The following WIF1 variants were observed in gnomAD, a reference collection of about 807,000 sequenced individuals.
WIF1 encodes the protein Wnt inhibitory factor 1.
Under a neutral mutation model 53.5 loss-of-function variants are expected in WIF1, and 35 were observed. The ratio of observed to expected loss-of-function variants is 0.65; its 90% CI spans 0.50 to 0.87. The LOEUF (loss-of-function observed/expected upper bound fraction) is 0.87, where lower values mean the gene tolerates loss of function less well. Ranked by LOEUF, WIF1 falls within the 40% of genes least tolerant of loss-of-function variation. WIF1 has a pLI of 0.00. For synonymous variants in WIF1, 171 were observed against 170.4 expected (o/e 1.00, Z -0.03); for missense variants, 467 against 476.8 (o/e 0.98, Z 0.19).
chr12:65,058,525 T>C (rs1222837062), intron 7 of WIF1, among the ~76,000 whole-genome samples: 1 of 152,188 alleles, frequency 6.6e-6, no homozygotes, highest in Non-Finnish European at 1.5e-5. Flanking sequence ...TCCTGGCTAT[T>C]ATACAACAGA....
At chr12:65,092,273 C>T (rs529600091) in intron 2 of WIF1, among the ~76,000 whole-genome samples, 18 of 146,188 alleles carry the variant, frequency 1.2e-4, no homozygotes, top group East Asian at 4.1e-4. Flanking sequence ...CATCACACAC[C>T]GGGGCTTGTC....
intron 6 of WIF1, among the ~76,000 whole-genome samples, chr12:65,065,212 G>A (rs1184507306): frequency 6.6e-6 from 1 of 152,076 alleles, no homozygotes; most frequent in African/African-American, 2.4e-5. Flanking sequence ...TAGCTCAGGG[G>A]TGAGGGACAG....
In WIF1 at chr12:65,120,500, CAT is replaced by C. The variant is rs1883584812; in HGVS notation, c.203_204del (p.His68ArgfsTer34). The C allele has an allele frequency of 3.1e-6, 5 of 1,613,996 alleles. No homozygotes were observed. The highest frequency in any genetic ancestry group is 4.2e-6 in the Non-Finnish European group (5 of 1,180,022). On this transcript the variant is annotated frameshift_variant, in exon 2 of 10. Transcript: ENST00000286574. LOFTEE classifies it high-confidence loss of function. Reference protein sequence around the residue: ...VSEGKMAPFTHDFRKAQQRMP... With the variant: ...VSEGKMAPFTXDFRKAQQRMP... ...ATTCTCTGTTGTGCTTTTCTGAAAT[CAT>C]GTGTAAAAGGTGCCATTTTCCCCTC... is the stretch of plus-strand genomic sequence containing the variant.
chr12:65,097,321 G>A (rs190563626), intron 2 of WIF1, among the ~76,000 whole-genome samples: 2 of 152,214 alleles, frequency 1.3e-5, no homozygotes, highest in African/African-American at 4.8e-5. Context: ...CAAAAGAGAG[G>A]ACAAGAAACA....
chr12:65,119,836 G>C (rs1460932828), intron 2 of WIF1, among the ~76,000 whole-genome samples: 1 of 152,134 alleles, frequency 6.6e-6, no homozygotes, highest in African/African-American at 2.4e-5. Flanking sequence ...ATAGATTCCA[G>C]TTTTCTTTTC....
intron 2 of WIF1, among the ~76,000 whole-genome samples, chr12:65,106,202 G>C (rs574917755): frequency 1.5e-4 from 23 of 152,186 alleles, no homozygotes; most frequent in African/African-American, 5.1e-4. Flanking sequence ...GAGGGGACAG[G>C]TTGGCACTTC....
chr12:65,120,401 T>G lies in WIF1; in HGVS notation c.288+16A>C. On this transcript the variant is annotated intron_variant, in intron 2 of 9. Coordinates refer to ENST00000286574, the MANE Select transcript of WIF1 (RefSeq NM_007191.5). ...AGGCAGTGGAAATATTAAAGGGTAATTTTCTCAGAACTTACCTGCCCTGCA... is the reference window on the plus strand; with the variant it reads ...AGGCAGTGGAAATATTAAAGGGTAAGTTTCTCAGAACTTACCTGCCCTGCA... 6.2e-7 allele frequency: 1 copy of G among 1,611,016 alleles called. No homozygotes were observed. Among genetic ancestry groups the G allele is most frequent in the South Asian group, 1.1e-5 (1 of 90,408 alleles).
chr12:65,115,246 C>CT (rs1290963397), intron 2 of WIF1, among the ~76,000 whole-genome samples: 1 of 150,316 alleles, frequency 6.7e-6, no homozygotes, highest in Non-Finnish European at 1.5e-5. Context: ...TTCCTAGTAC[C>CT]TTAGCATATT....
intron 2 of WIF1, among the ~76,000 whole-genome samples, chr12:65,091,432 CAGA>C (rs1286419695): frequency 3.3e-5 from 5 of 150,636 alleles, no homozygotes; most frequent in African/African-American, 1.2e-4. Flanking sequence ...GGCAAAACAA[CAGA>C]AGAAGTCTTA....
chr12:65,061,494 C>T (rs925592979), intron 7 of WIF1, among the ~76,000 whole-genome samples: 1 of 152,110 alleles, frequency 6.6e-6, no homozygotes, highest in African/African-American at 2.4e-5. Context: ...TGCTTTGGTG[C>T]TATCTGTTCT....
chr12:65,097,438 A>G (rs2136633634), intron 2 of WIF1, among the ~76,000 whole-genome samples: 1 of 152,276 alleles, frequency 6.6e-6, no homozygotes, highest in East Asian at 1.9e-4. Context: ...TGGCTAAACA[A>G]TAGATTTAAG....
chr12:65,059,279 T>G (rs1355580617), intron 7 of WIF1, among the ~76,000 whole-genome samples: 6 of 152,202 alleles, frequency 3.9e-5, no homozygotes, highest in Non-Finnish European at 7.4e-5. Context: ...AGAAAACAGA[T>G]AAAAGGGTTT....
Position 65,121,187 on chromosome 12 carries a change from GC to G in WIF1, c.4del (p.Ala2ProfsTer48). On this transcript the variant is annotated frameshift_variant, in exon 1 of 10. Coordinates refer to ENST00000286574, the MANE Select transcript of WIF1 (RefSeq NM_007191.5). LOFTEE classifies it high-confidence loss of function. Reference protein sequence around the residue: MARRSAFPAAAL... With the variant: MXRRSAFPAAAL... ...GGCGGCAGGGAAGGCGCTCCTCCGGGCCATGCTGCTCAGGACCTCCTCGCTG... is the reference window on the plus strand; with the variant it reads ...GGCGGCAGGGAAGGCGCTCCTCCGGGCATGCTGCTCAGGACCTCCTCGCTG... The G allele has an allele frequency of 6.5e-7, 1 of 1,533,614 alleles. No homozygotes were observed. The highest frequency in any genetic ancestry group is 8.8e-7 in the Non-Finnish European group (1 of 1,138,466).
At chr12:65,115,028 T>G (rs1262855859) in intron 2 of WIF1, among the ~76,000 whole-genome samples, 1 of 152,114 alleles carries the variant, frequency 6.6e-6, no homozygotes, top group African/African-American at 2.4e-5. Context: ...TTAATATTGG[T>G]TGATTATCAT....
At chr12:65,074,009 A>C (rs931144705) in intron 3 of WIF1, among the ~76,000 whole-genome samples, 4 of 152,150 alleles carry the variant, frequency 2.6e-5, no homozygotes, top group African/African-American at 9.7e-5. Context: ...AGGTTGACCA[A>C]AGTGTCACCC....
At chr12:65,062,022 T>C (rs1285568340) in intron 7 of WIF1, among the ~76,000 whole-genome samples, 4 of 152,234 alleles carry the variant, frequency 2.6e-5, no homozygotes, top group Non-Finnish European at 4.4e-5. Context: ...TTTTCTCGTT[T>C]TTCTTGAGTC....
At chr12:65,106,736 T>C (rs573212189) in intron 2 of WIF1, among the ~76,000 whole-genome samples, 1 of 152,346 alleles carries the variant, frequency 6.6e-6, no homozygotes, top group East Asian at 1.9e-4. Flanking sequence ...ATTGATACTT[T>C]GGAGAAAGAT....
chr12:65,097,293 T>G (rs1883220132), intron 2 of WIF1, among the ~76,000 whole-genome samples: 1 of 152,174 alleles, frequency 6.6e-6, no homozygotes, highest in African/African-American at 2.4e-5. Flanking sequence ...CGTGCCATAT[T>G]AAATTGATGT....
At chr12:65,072,439 A>T (rs1203683229) in intron 3 of WIF1, among the ~76,000 whole-genome samples, 1 of 152,212 alleles carries the variant, frequency 6.6e-6, no homozygotes, top group African/African-American at 2.4e-5. Flanking sequence ...TATGGTTTGC[A>T]TCCTTTGTTA....
Sources: allele counts gnomAD v4.1 joint callset (sites outside exome capture counted in the v4.1 genomes callset), GRCh38; gene constraint gnomAD v4.1.1; transcripts MANE v1.5; gene names NCBI Gene and HGNC (gene_info 2026-07-23, HGNC 2026-07-21).